The following HIPK2 variants were observed in gnomAD, a reference collection of about 807,000 sequenced individuals.
HIPK2 encodes homeodomain interacting protein kinase 2, also known as homeodomain-interacting protein kinase 2.
A neutral mutation model predicts 113.7 loss-of-function variants in HIPK2; 27 were observed. That is an observed-to-expected ratio of 0.24 (90% CI 0.17 to 0.33). HIPK2 has a LOEUF of 0.33. HIPK2 is among the 10% of genes least tolerant of loss of function. The pLI, the probability that HIPK2 is intolerant of heterozygous loss-of-function variation, is 1.00. For missense variants in HIPK2, 1,257 were observed against 1,588.0 expected (o/e 0.79, Z 3.54); for synonymous variants, 631 against 642.2 (o/e 0.98, Z 0.26).
chr7:139,572,700 C>T lies in HIPK2; in HGVS notation c.*227G>A, dbSNP rs1278117140. The T allele has an allele frequency of 4.1e-6, 2 of 484,076 alleles. No homozygotes were observed. Among genetic ancestry groups the T allele is most frequent in the African/African-American group, 4.0e-5 (2 of 50,202 alleles). The allele number at this position is 484,076 out of a possible 1,614,324, so 30.0% of individuals were successfully genotyped here. On this transcript the variant is annotated 3_prime_UTR_variant, in exon 15 of 15. Coordinates refer to ENST00000406875, the MANE Select transcript of HIPK2 (RefSeq NM_022740.5). The stretch of plus-strand genomic sequence containing the variant: ...CCTTTTAAAAATGTTCTCTTCTCTG[C>T]TCTACGTCCTCCCACTTCCCGGTTC...
chr7:139,616,176 C>G (rs1183984809), intron 7 of HIPK2, among the ~76,000 whole-genome samples: 2 of 152,290 alleles, frequency 1.3e-5, no homozygotes, highest in Non-Finnish European at 1.5e-5. Context: ...CCAGCCACTG[C>G]TCCTGCTGCT....
At chr7:139,587,746 T>C (rs1457583988) in intron 12 of HIPK2, among the ~76,000 whole-genome samples, 1 of 152,040 alleles carries the variant, frequency 6.6e-6, no homozygotes, top group Non-Finnish European at 1.5e-5. Context: ...GGCATGGTGG[T>C]GTGCACCTAT....
chr7:139,581,257 G>T (rs2116526027), intron 13 of HIPK2, among the ~76,000 whole-genome samples: 1 of 152,232 alleles, frequency 6.6e-6, no homozygotes, highest in South Asian at 2.1e-4. Flanking sequence ...TCCAAGCTGG[G>T]ACAATCAATT....
At chr7:139,703,755 CA>C (rs1794782583) in intron 2 of HIPK2, among the ~76,000 whole-genome samples, 1 of 5,884 alleles carries the variant, frequency 1.7e-4, no homozygotes, top group African/African-American at 6.7e-4. Flanking sequence ...ACACCACACA[CA>C]CACACACCCA....
intron 2 of HIPK2, among the ~76,000 whole-genome samples, chr7:139,705,533 C>A (rs565071427): frequency 6.6e-6 from 1 of 152,156 alleles, no homozygotes; most frequent in Non-Finnish European, 1.5e-5. Context: ...CCCACCAACA[C>A]GCCCAGCTGA....
At position 139,614,388 on chromosome 7, in the gene HIPK2, C is replaced by T. The variant is rs1799952711; in HGVS notation, c.1888G>A (p.Val630Met). The T allele has an allele frequency of 1.3e-6, 2 of 1,580,334 alleles. No individual in the cohort carries two copies. The highest frequency in any genetic ancestry group is 8.6e-7 in the Non-Finnish European group (1 of 1,158,828). The stretch of plus-strand genomic sequence containing the variant: ...TGCAGGGGCATGCTCCGCTGGGCCA[C>T]TGCAGCCATGGATGCCGCTGAGGGC... ...YQPSAASMAA[V>M]AQRSMPLQTG... The change falls in exon 8 of 15, where the codon GTG becomes ATG. Residue 630 changes from valine to methionine, a missense_variant. By Grantham distance (21) the Val-to-Met change is conservative (BLOSUM62 1). Coordinates refer to ENST00000406875, the MANE Select transcript of HIPK2 (RefSeq NM_022740.5).
rs1393458867 is a variant in HIPK2, at chr7:139,613,996, T to C, written c.1990+290A>G. Among the ~76,000 whole-genome samples the C allele has an allele frequency of 1.3e-5, 2 of 152,126 alleles. No individual in the cohort carries two copies. The highest frequency in any genetic ancestry group is 2.9e-5 in the Non-Finnish European group (2 of 68,010). On this transcript the variant is annotated intron_variant, in intron 8 of 14. Transcript: ENST00000406875. The surrounding 1 kb of genome is among the most constrained non-coding windows in gnomAD (Gnocchi z 4.2). The stretch of plus-strand genomic sequence containing the variant: ...GCAAGAGCTGACATCAGCATAACAA[T>C]GAAAGCACAAACTATGTACTTATTT...
chr7:139,595,692 G>C (rs1569448809), intron 12 of HIPK2, among the ~76,000 whole-genome samples: 1 of 152,122 alleles, frequency 6.6e-6, no homozygotes, highest in African/African-American at 2.4e-5. Flanking sequence ...GGAAGGGAAC[G>C]TCCTATGCAG....
intron 2 of HIPK2, among the ~76,000 whole-genome samples, chr7:139,679,520 T>A (rs1455346697): frequency 6.6e-6 from 1 of 152,188 alleles, no homozygotes; most frequent in African/African-American, 2.4e-5. Context: ...AATCTTTAAA[T>A]TAAACAACCT....
intron 1 of HIPK2, among the ~76,000 whole-genome samples, chr7:139,750,772 A>G (rs968712575): frequency 2.0e-5 from 3 of 152,236 alleles, no homozygotes; most frequent in Non-Finnish European, 4.4e-5. Flanking sequence ...CACCCTGTTC[A>G]TGATACCTCT....
intron 2 of HIPK2, among the ~76,000 whole-genome samples, chr7:139,640,302 C>T (rs1352563017): frequency 1.3e-5 from 2 of 152,206 alleles, no homozygotes; most frequent in Non-Finnish European, 2.9e-5. Context: ...TAGCTCCACT[C>T]GCTCTCTTGA....
intron 1 of HIPK2, among the ~76,000 whole-genome samples, chr7:139,773,397 G>A (rs888675445): frequency 3.9e-5 from 6 of 152,268 alleles, no homozygotes; most frequent in South Asian, 2.1e-4. Flanking sequence ...ACATCCCATC[G>A]GTGGTTATAT....
chr7:139,618,878 G>A (rs1396606899), intron 7 of HIPK2, among the ~76,000 whole-genome samples: 10 of 152,222 alleles, frequency 6.6e-5, no homozygotes, highest in African/African-American at 2.4e-4. Context: ...GGTGCCTCAT[G>A]AGGGCTGGTG....
At chr7:139,722,867 CTT>C (rs879295646) in intron 1 of HIPK2, among the ~76,000 whole-genome samples, 1 of 144,246 alleles carries the variant, frequency 6.9e-6, no homozygotes. Context: ...GATCTAAATT[CTT>C]TTTTTTTTTT....
At chr7:139,589,254 A>G (rs1053793173) in intron 12 of HIPK2, among the ~76,000 whole-genome samples, 1 of 152,224 alleles carries the variant, frequency 6.6e-6, no homozygotes, top group African/African-American at 2.4e-5. Context: ...AAAGATTCCT[A>G]GAGACATTCT....
At chr7:139,739,728 C>T (rs949075499) in intron 1 of HIPK2, among the ~76,000 whole-genome samples, 8 of 152,198 alleles carry the variant, frequency 5.3e-5, no homozygotes, top group African/African-American at 1.7e-4. Context: ...CCCCTTCCCA[C>T]AGCCCCTGGA....
intron 1 of HIPK2, among the ~76,000 whole-genome samples, chr7:139,736,970 G>A (rs1405341207): frequency 6.6e-6 from 1 of 152,200 alleles, no homozygotes; most frequent in African/African-American, 2.4e-5. Flanking sequence ...TGGTCAAGGG[G>A]TAGAAACTCT....
In HIPK2 at chr7:139,630,995, G is replaced by C. The variant is rs1800592858; in HGVS notation, c.1347+170C>G. The C allele has an allele frequency of 2.2e-6, 1 of 450,550 alleles. No individual in the cohort carries two copies. The highest frequency in any genetic ancestry group is 2.9e-6 in the Non-Finnish European group (1 of 341,400). The allele number at this position is 450,550 out of a possible 1,614,324, so 27.9% of individuals were successfully genotyped here. A position where few individuals can be genotyped will look rare whatever the true frequency, so the allele number is the denominator to read the frequency against. ...ACTCTCACAGGCGGCGATAGGCCAA[G>C]GGAAAGAGGGGCTTCTGAGCATTCA... On this transcript the variant is annotated intron_variant, in intron 4 of 14. Coordinates refer to ENST00000406875, the MANE Select transcript of HIPK2 (RefSeq NM_022740.5). This position sits in a 1 kb window ranked among gnomAD's most constrained non-coding sequence, Gnocchi z 4.0.
intron 5 of HIPK2, among the ~76,000 whole-genome samples, chr7:139,628,155 G>A (rs1330479002): frequency 6.6e-6 from 1 of 152,178 alleles, no homozygotes; most frequent in Non-Finnish European, 1.5e-5. Flanking sequence ...GCTGCCAGAA[G>A]CTGGGAGACA....
Sources: allele counts gnomAD v4.1 joint callset (sites outside exome capture counted in the v4.1 genomes callset), GRCh38; gene constraint gnomAD v4.1.1; non-coding constraint Gnocchi (gnomAD v3.1); transcripts MANE v1.5; gene names NCBI Gene and HGNC (gene_info 2026-07-23, HGNC 2026-07-21).